The following IL1R1 variants were observed in gnomAD, a reference collection of about 807,000 sequenced individuals.
The protein encoded by IL1R1 is interleukin-1 receptor type 1.
Under a neutral mutation model 50.2 loss-of-function variants are expected in IL1R1, and 22 were observed. The ratio of observed to expected loss-of-function variants is 0.44; its 90% CI spans 0.31 to 0.63. The LOEUF (loss-of-function observed/expected upper bound fraction) is 0.63. Among genes scored for constraint, IL1R1 ranks in the 20% least tolerant of loss-of-function variants. The pLI is 0.07. For synonymous variants in IL1R1, 251 were observed against 236.7 expected (o/e 1.06, Z -0.55); for missense variants, 509 against 676.2 (o/e 0.75, Z 2.74).
chr2:102,137,498 A>G (rs375717684), intron 1 of IL1R1, among the ~76,000 whole-genome samples: 5 of 152,222 alleles, frequency 3.3e-5, no homozygotes, highest in African/African-American at 1.2e-4. Context: ...TGTGGACTGG[A>G]GCACCTGTAC....
upstream of IL1R1, among the ~76,000 whole-genome samples, chr2:102,100,935 G>C (rs1336675479): frequency 6.6e-6 from 1 of 152,156 alleles, no homozygotes; most frequent in Non-Finnish European, 1.5e-5. Context: ...AGGCACTCAA[G>C]TCAGATCCTT....
chr2:102,106,669 T>C (rs988192076), intron 1 of IL1R1, among the ~76,000 whole-genome samples: 7 of 152,212 alleles, frequency 4.6e-5, no homozygotes, highest in African/African-American at 1.7e-4. Flanking sequence ...GTAAACACTG[T>C]TAACATTTTG....
chr2:102,139,008 CA>C (rs1235393983), upstream of IL1R1, among the ~76,000 whole-genome samples: 1 of 152,164 alleles, frequency 6.6e-6, no homozygotes, highest in Non-Finnish European at 1.5e-5. Context: ...GGGGTAGTAA[CA>C]CAATCTCTTC....
chr2:102,130,143 A>G (rs960523460), intron 1 of IL1R1, among the ~76,000 whole-genome samples: 14 of 152,226 alleles, frequency 9.2e-5, no homozygotes, highest in African/African-American at 3.4e-4. Context: ...GAAGTTCTGC[A>G]TCATGCGGTC....
intron 1 of IL1R1, among the ~76,000 whole-genome samples, chr2:102,118,525 C>T (rs1329052305): frequency 6.6e-6 from 1 of 152,122 alleles, no homozygotes; most frequent in Admixed American, 6.6e-5. Context: ...GACAACTTGG[C>T]ACTTGTATTT....
At chr2:102,104,743 T>G (rs1439401394) in exon 1 of IL1R1, 6 of 152,178 alleles carry the variant, frequency 3.9e-5, no homozygotes, top group African/African-American at 1.4e-4. Context: ...AGCACTTTCG[T>G]TTTTTAATAA....
intron 1 of IL1R1, among the ~76,000 whole-genome samples, chr2:102,089,836 T>TC (rs1424100503): frequency 1.1e-5 from 1 of 90,424 alleles, no homozygotes; most frequent in Non-Finnish European, 2.3e-5. Flanking sequence ...TGGTTTATCT[T>TC]TTTTTTTTTT....
chr2:102,164,794 G>A lies in IL1R1; in HGVS notation c.82G>A (p.Glu28Lys). 1 of 1,613,282 alleles carries A rather than the reference G, an allele frequency of 6.2e-7. No individual in the cohort carries two copies. Reference protein sequence around the residue: ...LEADKCKEREEKIILVSSANE... With the variant: ...LEADKCKEREKKIILVSSANE... Reference sequence around the variant, plus strand: ...TAAAGATAAATGCAAGGAACGTGAAGAAAAAATAATTTTAGTGTCATCTGC... The same window carrying A: ...TAAAGATAAATGCAAGGAACGTGAAAAAAAAATAATTTTAGTGTCATCTGC... The change falls in exon 4 of 12, where the codon GAA (glutamate) becomes AAA (lysine). Residue 28 changes from glutamate (E) to lysine (K), a missense_variant. Glu to Lys is a moderately conservative substitution (Grantham distance 56). Transcript: ENST00000410023.
intron 1 of IL1R1, among the ~76,000 whole-genome samples, chr2:102,123,810 T>C (rs1681535529): frequency 6.6e-6 from 1 of 151,480 alleles, no homozygotes; most frequent in African/African-American, 2.4e-5. Context: ...TAAAATAAAA[T>C]AAAATAATGT....
chr2:102,168,978 CT>C lies in IL1R1; in HGVS notation c.721+328del, dbSNP rs35721344. On this transcript the variant is annotated intron_variant, in intron 7 of 11. Coordinates refer to ENST00000410023, the MANE Select transcript of IL1R1 (RefSeq NM_000877.4). ...GACTGGTACAGGATTGGATTTCTTT[CT>C]TTTTTTTTTTTTCACAGAGTTAAAA... 3.4e-3 allele frequency among the ~76,000 whole-genome samples: 488 copies of C among 142,294 alleles called. 3 individuals are homozygous for C. In the East Asian group the frequency reaches 0.049, roughly 14 times the overall value. The allele number at this position is 142,294 out of a possible 152,430, so 93.4% of individuals were successfully genotyped here.
intron 1 of IL1R1, among the ~76,000 whole-genome samples, chr2:102,133,870 T>G (rs1210597464): frequency 6.6e-6 from 1 of 151,070 alleles, no homozygotes; most frequent in Non-Finnish European, 1.5e-5. Context: ...CCCACTTCTA[T>G]TTAACAGTGT....
chr2:102,073,425 A>G (rs1468340141), intron 1 of IL1R1, among the ~76,000 whole-genome samples: 1 of 152,168 alleles, frequency 6.6e-6, no homozygotes, highest in Non-Finnish European at 1.5e-5. Flanking sequence ...CCCCTGCAAA[A>G]TGGAATAGGA....
chr2:102,169,144 G>A (rs1431459700), intron 7 of IL1R1, among the ~76,000 whole-genome samples: 4 of 152,218 alleles, frequency 2.6e-5, no homozygotes, highest in African/African-American at 7.2e-5. Flanking sequence ...GACATCAGCA[G>A]TGTTACAATT....
chr2:102,149,232 A>T (rs377050845), intron 1 of IL1R1, among the ~76,000 whole-genome samples: 191 of 152,316 alleles, frequency 1.3e-3, no homozygotes, highest in Middle Eastern at 0.01. Flanking sequence ...ATTGGTTAAT[A>T]TTTGGGATGA....
chr2:102,076,936 T>A (rs1678992813), intron 1 of IL1R1, among the ~76,000 whole-genome samples: 1 of 152,146 alleles, frequency 6.6e-6, no homozygotes, highest in South Asian at 2.1e-4. Context: ...ACACATATAT[T>A]TGGATATTTT....
Position 102,175,728 on chromosome 2 carries a change from G to T in IL1R1, c.1303+83G>T, listed in dbSNP as rs192470770. On this transcript the variant is annotated intron_variant, in intron 11 of 11. Coordinates refer to ENST00000410023, the MANE Select transcript of IL1R1 (RefSeq NM_000877.4). ...GTGGATTCCATCTTTCTAGAAGATC[G>T]TGGCATAGGGGTATATGTTTCACAA... 8,604 of 1,282,156 alleles carry T rather than the reference G, an allele frequency of 6.7e-3. 53 individuals are homozygous for T. Among genetic ancestry groups the T allele is most frequent in the Non-Finnish European group, 8.6e-3 (7,531 of 877,082 alleles). The allele number at this position is 1,282,156 out of a possible 1,614,324, so 79.4% of individuals were successfully genotyped here. A position where few individuals can be genotyped will look rare whatever the true frequency, so the allele number is the denominator to read the frequency against.
At chr2:102,147,188 A>T (rs1683208910) in intron 1 of IL1R1, among the ~76,000 whole-genome samples, 1 of 152,210 alleles carries the variant, frequency 6.6e-6, no homozygotes, top group East Asian at 1.9e-4. Context: ...TTCCTGGTGC[A>T]CACAGTTGTT....
intron 1 of IL1R1, among the ~76,000 whole-genome samples, chr2:102,094,729 A>G (rs978466882): frequency 6.6e-6 from 1 of 152,218 alleles, no homozygotes; most frequent in East Asian, 1.9e-4. Context: ...GTGCGTTACC[A>G]GGTTGCAGTC....
intron 1 of IL1R1, among the ~76,000 whole-genome samples, chr2:102,152,735 A>AGCG (rs1683802235): frequency 6.6e-6 from 1 of 151,928 alleles, no homozygotes; most frequent in Non-Finnish European, 1.5e-5. Flanking sequence ...TAGGACTGGG[A>AGCG]GCGGGAGGAT....
Sources: allele counts gnomAD v4.1 joint callset (sites outside exome capture counted in the v4.1 genomes callset), GRCh38; gene constraint gnomAD v4.1.1; transcripts MANE v1.5; gene names NCBI Gene and HGNC (gene_info 2026-07-23, HGNC 2026-07-21).